NEGR1: variants seen among roughly 807,000 people sequenced by gnomAD.
NEGR1 encodes neuronal growth regulator 1.
A neutral mutation model predicts 40.9 loss-of-function variants in NEGR1; 10 were observed. The observed-to-expected ratio is 0.24, with a 90% CI of 0.15 to 0.42. The LOEUF (loss-of-function observed/expected upper bound fraction) is 0.42. NEGR1 is among the 10% of genes least tolerant of loss of function. The pLI is 1.00. For synonymous variants in NEGR1, 185 were observed against 166.8 expected, an observed-to-expected ratio of 1.11 and a Z score of -0.84; for missense variants, 352 against 438.9, an observed-to-expected ratio of 0.80 and a Z score of 1.77.
chr1:71,837,521 C>A (rs1486680481), intron 2 of NEGR1, among the ~76,000 whole-genome samples: 1 of 151,890 alleles, frequency 6.6e-6, no homozygotes, highest in East Asian at 1.9e-4. Flanking sequence ...CATTTTTTGT[C>A]TTATCCAGAG....
At chr1:71,984,273 G>A (rs1305723347) in intron 1 of NEGR1, among the ~76,000 whole-genome samples, 1 of 148,804 alleles carries the variant, frequency 6.7e-6, no homozygotes, top group African/African-American at 2.4e-5. Context: ...TATTTATTCT[G>A]TTAAAATAAC....
chr1:71,848,282 G>A (rs866888943), intron 2 of NEGR1, among the ~76,000 whole-genome samples: 1 of 152,296 alleles, frequency 6.6e-6, no homozygotes. Context: ...CATCGTTGAT[G>A]GAGATGGCTA....
intron 1 of NEGR1, among the ~76,000 whole-genome samples, chr1:72,194,713 G>T (rs913481066): frequency 2.8e-4 from 42 of 152,010 alleles, no homozygotes; most frequent in African/African-American, 9.7e-4. Context: ...TCACAAAGGG[G>T]ATTTTATATT....
At chr1:71,912,473 A>T (rs1229342401) in intron 2 of NEGR1, among the ~76,000 whole-genome samples, 1 of 152,168 alleles carries the variant, frequency 6.6e-6, no homozygotes, top group Non-Finnish European at 1.5e-5. Flanking sequence ...TCCCTTCACC[A>T]CAAAAGGTAG....
At chr1:71,779,551 T>C (rs928448147) in intron 2 of NEGR1, among the ~76,000 whole-genome samples, 4 of 138,238 alleles carry the variant, frequency 2.9e-5, no homozygotes, top group Admixed American at 1.6e-4. Flanking sequence ...GCAGACTATT[T>C]ATAATAGATA....
chr1:71,919,449 C>A (rs1296356955), intron 2 of NEGR1, among the ~76,000 whole-genome samples: 3 of 151,330 alleles, frequency 2.0e-5, no homozygotes, highest in Admixed American at 6.6e-5. Flanking sequence ...TTACCAAATT[C>A]TCTATTAGCT....
At chr1:71,654,743 A>G (rs2101585340) in intron 4 of NEGR1, among the ~76,000 whole-genome samples, 1 of 152,326 alleles carries the variant, frequency 6.6e-6, no homozygotes, top group Admixed American at 6.5e-5. Context: ...GACAAGTGAT[A>G]CTTTTTAAAA....
chr1:72,135,307 C>A (rs1312888548), intron 1 of NEGR1, among the ~76,000 whole-genome samples: 1 of 133,630 alleles, frequency 7.5e-6, no homozygotes, highest in Non-Finnish European at 1.6e-5. Flanking sequence ...ACCCGGGAGG[C>A]GGAGCTTGCA....
chr1:72,124,576 T>A (rs1649938178), intron 1 of NEGR1, among the ~76,000 whole-genome samples: 1 of 152,036 alleles, frequency 6.6e-6, no homozygotes, highest in Non-Finnish European at 1.5e-5. Flanking sequence ...CTCACAAATT[T>A]GGGATTATTT....
At chr1:72,248,463 G>A (rs2100526087) in intron 1 of NEGR1, among the ~76,000 whole-genome samples, 2 of 151,886 alleles carry the variant, frequency 1.3e-5, no homozygotes, top group Middle Eastern at 6.8e-3. Flanking sequence ...TCGCCATGTT[G>A]GCCAGGCTGG....
chr1:71,941,343 TTTA>T (rs1645957505), intron 1 of NEGR1, among the ~76,000 whole-genome samples: 1 of 152,178 alleles, frequency 6.6e-6, no homozygotes, highest in Admixed American at 6.5e-5. Context: ...ACCTTTGTTT[TTTA>T]GGGCACTCTC....
At chr1:71,933,670 T>C (rs577884559) in intron 2 of NEGR1, among the ~76,000 whole-genome samples, 86 of 152,178 alleles carry the variant, frequency 5.7e-4, no homozygotes, top group African/African-American at 1.9e-3. Flanking sequence ...TAATCTCTGA[T>C]TAAAGATGAA....
chr1:72,003,376 C>G (rs1031110725), intron 1 of NEGR1, among the ~76,000 whole-genome samples: 1 of 151,858 alleles, frequency 6.6e-6, no homozygotes. Context: ...TGCAATGCCA[C>G]TCTAAAGGGA....
chr1:71,649,659 C>A (rs1357979590), intron 4 of NEGR1, among the ~76,000 whole-genome samples: 2 of 152,080 alleles, frequency 1.3e-5, no homozygotes, highest in African/African-American at 4.8e-5. Context: ...TTATTTTTCT[C>A]TTTATTCTGT....
At chr1:72,266,345 GTAGTT>G (rs1180788369) in intron 1 of NEGR1, among the ~76,000 whole-genome samples, 1 of 150,698 alleles carries the variant, frequency 6.6e-6, no homozygotes, top group African/African-American at 2.4e-5. Flanking sequence ...AAACTAAACA[GTAGTT>G]TAATCCTCAG....
intron 5 of NEGR1, among the ~76,000 whole-genome samples, chr1:71,598,006 T>A (rs2101528478): frequency 6.6e-6 from 1 of 152,280 alleles, no homozygotes; most frequent in African/African-American, 2.4e-5. Context: ...CATGTTGAAA[T>A]GTACGTATCA....
chr1:71,426,305 T>C (rs1291573502), intron 6 of NEGR1, among the ~76,000 whole-genome samples: 1 of 152,226 alleles, frequency 6.6e-6, no homozygotes, highest in Non-Finnish European at 1.5e-5. Flanking sequence ...CATAGATTTT[T>C]GTTGTTCCTG....
intron 4 of NEGR1, among the ~76,000 whole-genome samples, chr1:71,614,252 C>T (rs1650367983): frequency 6.6e-6 from 1 of 151,650 alleles, no homozygotes; most frequent in Non-Finnish European, 1.5e-5. Flanking sequence ...AACACACACC[C>T]AGTTTTATAT....
chr1:71,572,750 T>C (rs1648846978), intron 6 of NEGR1, among the ~76,000 whole-genome samples: 2 of 152,210 alleles, frequency 1.3e-5, no homozygotes, highest in South Asian at 4.1e-4. Flanking sequence ...CAACACTAGT[T>C]AATAAATGCC....
Sources: allele counts gnomAD v4.1 joint callset (sites outside exome capture counted in the v4.1 genomes callset), GRCh38; gene constraint gnomAD v4.1.1; transcripts MANE v1.5; gene names NCBI Gene and HGNC (gene_info 2026-07-23, HGNC 2026-07-21).